CDH13: variants seen among roughly 807,000 people sequenced by gnomAD.
CDH13 encodes cadherin 13, also known as cadherin-13.
In CDH13, 24 loss-of-function variants were observed where a neutral mutation model predicts 63.8. The observed-to-expected ratio is 0.38, with a 90% CI of 0.27 to 0.53. The LOEUF (loss-of-function observed/expected upper bound fraction) is 0.53. CDH13 is among the 20% of genes least tolerant of loss of function. The probability of loss-of-function intolerance (pLI) is 0.85; values close to 1 mark genes in which losing one functional copy is unlikely to be tolerated. For synonymous variants in CDH13, 503 were observed against 355.3 expected (o/e 1.42, Z -4.67); for missense variants, 1,049 against 903.1 (o/e 1.16, Z -2.07).
At chr16:82,880,894 C>T (rs1053883729) in intron 2 of CDH13, among the ~76,000 whole-genome samples, 1 of 152,264 alleles carries the variant, frequency 6.6e-6, no homozygotes, top group Non-Finnish European at 1.5e-5. Context: ...ATTTGTAAAT[C>T]AGATTAAATA....
chr16:82,983,351 C>T (rs996500751), intron 2 of CDH13, among the ~76,000 whole-genome samples: 2 of 151,740 alleles, frequency 1.3e-5, no homozygotes, highest in African/African-American at 2.4e-5. Flanking sequence ...CGGCTGTTTC[C>T]CCTAATATAA....
At chr16:83,487,474 T>C (rs77153782) in intron 7 of CDH13, among the ~76,000 whole-genome samples, 1,954 of 152,274 alleles carry the variant, frequency 0.013, 30 homozygotes, top group African/African-American at 0.04. Context: ...CCCACCTCGA[T>C]TACGTTTCCA....
intron 2 of CDH13, among the ~76,000 whole-genome samples, chr16:82,959,031 C>G (rs192689133): frequency 6.6e-6 from 1 of 152,180 alleles, no homozygotes; most frequent in Non-Finnish European, 1.5e-5. Context: ...AGTATTTTGG[C>G]GAGGAGCAAG....
intron 3 of CDH13, among the ~76,000 whole-genome samples, chr16:83,085,452 C>G (rs141234929): frequency 6.6e-6 from 1 of 152,072 alleles, no homozygotes; most frequent in Non-Finnish European, 1.5e-5. Flanking sequence ...TGATACATGT[C>G]TAGCTATCAT....
chr16:83,537,374 A>G (rs2075212201), intron 7 of CDH13, among the ~76,000 whole-genome samples: 1 of 152,120 alleles, frequency 6.6e-6, no homozygotes, highest in South Asian at 2.1e-4. Flanking sequence ...GCTGCAACCT[A>G]AAGGTGAAAT....
At chr16:83,585,253 A>G (rs1598331156) in intron 7 of CDH13, among the ~76,000 whole-genome samples, 3 of 152,262 alleles carry the variant, frequency 2.0e-5, no homozygotes, top group South Asian at 4.2e-4. Context: ...ACTACTTCCC[A>G]GATCACTCCG....
At chr16:83,548,794 C>A (rs1364992595) in intron 7 of CDH13, among the ~76,000 whole-genome samples, 1 of 152,102 alleles carries the variant, frequency 6.6e-6, no homozygotes, top group Non-Finnish European at 1.5e-5. Context: ...AACCCCCTGC[C>A]TTCCAATATT....
intron 7 of CDH13, among the ~76,000 whole-genome samples, chr16:83,524,009 C>T (rs1259149229): frequency 6.6e-6 from 1 of 152,142 alleles, no homozygotes; most frequent in Non-Finnish European, 1.5e-5. Flanking sequence ...ATTCTTAGAT[C>T]ACAGCTCTTA....
chr16:83,779,227 A>T lies in CDH13; in HGVS notation c.1682-741A>T, dbSNP rs191318504. On this transcript the variant is annotated intron_variant, in intron 11 of 13. Transcript: ENST00000567109. ...TGAGACCAGCCTGGCCAACATAGCGAAACCCCATCTGTACTAAAACTACAA... is the reference window on the plus strand; with the variant it reads ...TGAGACCAGCCTGGCCAACATAGCGTAACCCCATCTGTACTAAAACTACAA... 1.7e-3 allele frequency among the ~76,000 whole-genome samples: 263 copies of T among 152,008 alleles called. 3 individuals are homozygous for T. The highest frequency in any genetic ancestry group is 0.012 in the Admixed American group (178 of 15,260).
intron 7 of CDH13, among the ~76,000 whole-genome samples, chr16:83,572,900 C>T (rs902513812): frequency 1.3e-5 from 2 of 152,046 alleles, no homozygotes; most frequent in African/African-American, 4.8e-5. Flanking sequence ...GTAGTATGAC[C>T]AATGAGGCAA....
chr16:83,195,992 A>G (rs1356508053), intron 4 of CDH13, among the ~76,000 whole-genome samples: 1 of 152,220 alleles, frequency 6.6e-6, no homozygotes, highest in Non-Finnish European at 1.5e-5. Context: ...CCAGTAGCTC[A>G]CAACTGTAAT....
intron 2 of CDH13, among the ~76,000 whole-genome samples, chr16:82,930,172 T>A (rs2042443892): frequency 6.6e-6 from 1 of 151,522 alleles, no homozygotes; most frequent in African/African-American, 2.4e-5. Flanking sequence ...GAGATGGCAT[T>A]TTGCCAGTTG....
At chr16:83,509,194 A>T (rs2074496989) in intron 7 of CDH13, among the ~76,000 whole-genome samples, 1 of 152,204 alleles carries the variant, frequency 6.6e-6, no homozygotes, top group Non-Finnish European at 1.5e-5. Context: ...GCCCACCTTG[A>T]TGGTATTCAC....
At chr16:82,639,311 G>A (rs1363478499) in intron 1 of CDH13, 2 of 1,356,634 alleles carry the variant, frequency 1.5e-6, no homozygotes, top group Non-Finnish European at 2.0e-6. Context: ...AACAGGGTCA[G>A]CCCGGGGTCA....
chr16:82,945,448 A>G lies in CDH13; in HGVS notation c.158-86562A>G, dbSNP rs962640893. 5.9e-5 allele frequency among the ~76,000 whole-genome samples: 9 copies of G among 152,372 alleles called. 1 individual carries two copies. Among genetic ancestry groups the G allele is most frequent in the Admixed American group, 3.9e-4 (6 of 15,306 alleles). On this transcript the variant is annotated intron_variant, in intron 2 of 13. Transcript: ENST00000567109. ...TTTCCTAGGCCACTGACTGAAACCG[A>G]GAGCTTTCCCTTACAGGGTGCTAAA...
chr16:83,333,392 C>T (rs909843340), intron 5 of CDH13, among the ~76,000 whole-genome samples: 2 of 152,052 alleles, frequency 1.3e-5, no homozygotes, highest in Non-Finnish European at 1.5e-5. Flanking sequence ...GATTTCCTTA[C>T]GGAGCGGGGG....
intron 7 of CDH13, among the ~76,000 whole-genome samples, chr16:83,541,967 C>A (rs4602028): frequency 0.34 from 51,113 of 152,074 alleles, 8,963 homozygotes; most frequent in East Asian, 0.39. Flanking sequence ...CATTTGGAAG[C>A]AAGTCAATAA....
chr16:82,720,706 A>G (rs2032716453), intron 1 of CDH13, among the ~76,000 whole-genome samples: 1 of 152,014 alleles, frequency 6.6e-6, no homozygotes, highest in South Asian at 2.1e-4. Context: ...ACATTATAAT[A>G]AAACAACATT....
intron 8 of CDH13, among the ~76,000 whole-genome samples, chr16:83,611,968 C>G (rs1047740991): frequency 4.6e-5 from 7 of 152,024 alleles, no homozygotes; most frequent in Admixed American, 4.6e-4. Context: ...CCCATGAATG[C>G]TTTAAAATAA....
Sources: gnomAD v4.1 joint callset for allele counts (sites outside exome capture counted in the v4.1 genomes callset) on GRCh38, gnomAD v4.1.1 for gene constraint, MANE v1.5 for transcripts, NCBI Gene and HGNC (gene_info 2026-07-23, HGNC 2026-07-21) for gene names.